The following KDM1B variants were observed in gnomAD, a reference collection of about 807,000 sequenced individuals.
The protein encoded by KDM1B is lysine demethylase 1B, also known as lysine-specific histone demethylase 2.
A neutral mutation model predicts 107.4 loss-of-function variants in KDM1B; 63 were observed. That is an observed-to-expected ratio of 0.59 (90% CI 0.48 to 0.72). The LOEUF is 0.72. KDM1B is among the 30% of genes least tolerant of loss of function. KDM1B has a pLI of 0.00. For missense variants in KDM1B, 749 were observed against 1,020.8 expected (o/e 0.73, Z 3.63); for synonymous variants, 363 against 363.9 (o/e 1.00, Z 0.03).
chr6:18,160,828 C>CT (rs3077192), intron 3 of KDM1B, among the ~76,000 whole-genome samples: 150 of 123,238 alleles, frequency 1.2e-3, no homozygotes, highest in South Asian at 2.5e-3. Context: ...ACTCATGTCA[C>CT]TTTTTTTTTT....
In KDM1B at chr6:18,203,484, A is replaced by T. The variant is rs977416568; in HGVS notation, c.1531+1827A>T. Among the ~76,000 whole-genome samples, 1 of 152,176 alleles carries T rather than the reference A, an allele frequency of 6.6e-6. No homozygotes were observed. The highest frequency in any genetic ancestry group is 1.5e-5 in the Non-Finnish European group (1 of 68,036). ...ACCAGCACAAAGCTGGGGAAACTCAAATCTAAATACTAAGGGACTAGATTT... is the reference window on the plus strand; with the variant it reads ...ACCAGCACAAAGCTGGGGAAACTCATATCTAAATACTAAGGGACTAGATTT... On this transcript the variant is annotated intron_variant, in intron 14 of 21. Coordinates refer to ENST00000650836, the MANE Select transcript of KDM1B (RefSeq NM_001364614.2). This position sits in a 1 kb window ranked among gnomAD's most constrained non-coding sequence, Gnocchi z 5.5.
In KDM1B at chr6:18,172,620, A is replaced by C. The variant is rs979639870; in HGVS notation, c.534+1141A>C. 5.3e-5 allele frequency among the ~76,000 whole-genome samples: 8 copies of C among 152,184 alleles called. No homozygotes were observed. Among genetic ancestry groups the C allele is most frequent in the Admixed American group, 5.2e-4 (8 of 15,258 alleles). On this transcript the variant is annotated intron_variant, in intron 7 of 21. Transcript: ENST00000650836. This position sits in a 1 kb window ranked among gnomAD's most constrained non-coding sequence, Gnocchi z 5.2. ...AACACTTCTGGTCCCAAGCATTTCA[A>C]ATAAGAGAAATTCAACCTGGGATTC...
intron 6 of KDM1B, among the ~76,000 whole-genome samples, chr6:18,166,771 T>C (rs1274469033): frequency 1.3e-5 from 2 of 151,892 alleles, no homozygotes; most frequent in Non-Finnish European, 2.9e-5. Flanking sequence ...GGGGAATTGC[T>C]TGAGCTCAGG....
At chr6:18,168,498 A>G (rs1000069492) in intron 6 of KDM1B, among the ~76,000 whole-genome samples, 1 of 152,180 alleles carries the variant, frequency 6.6e-6, no homozygotes, top group Non-Finnish European at 1.5e-5. Context: ...CAGTTTTTTT[A>G]AGCATTCATC....
chr6:18,172,464 A>G lies in KDM1B; in HGVS notation c.534+985A>G, dbSNP rs1191965460. ...GTCTGAAAATCTGAAATGTTCCAAAATCTGAAACTTTTTGAGCTCTGAGAT... is the reference window on the plus strand; with the variant it reads ...GTCTGAAAATCTGAAATGTTCCAAAGTCTGAAACTTTTTGAGCTCTGAGAT... On this transcript the variant is annotated intron_variant, in intron 7 of 21. Coordinates refer to ENST00000650836, the MANE Select transcript of KDM1B (RefSeq NM_001364614.2). The surrounding 1 kb of genome is among the most constrained non-coding windows in gnomAD (Gnocchi z 5.2). 1.3e-5 allele frequency among the ~76,000 whole-genome samples: 2 copies of G among 152,158 alleles called. No homozygotes were observed. Among genetic ancestry groups the G allele is most frequent in the Non-Finnish European group, 2.9e-5 (2 of 68,036 alleles).
At chr6:18,160,791 A>G (rs1183284479) in intron 3 of KDM1B, among the ~76,000 whole-genome samples, 2 of 144,944 alleles carry the variant, frequency 1.4e-5, no homozygotes, top group African/African-American at 5.1e-5. Flanking sequence ...ACAAATCTCA[A>G]TTTGGGGAAT....
intron 15 of KDM1B, among the ~76,000 whole-genome samples, chr6:18,206,001 G>T (rs1014426715): frequency 1.3e-5 from 2 of 151,318 alleles, no homozygotes; most frequent in Non-Finnish European, 2.9e-5. Context: ...TAAAATACTT[G>T]TTTTTGTGTA....
intron 21 of KDM1B, among the ~76,000 whole-genome samples, chr6:18,220,850 C>T (rs1366690731): frequency 1.3e-5 from 2 of 151,556 alleles, no homozygotes; most frequent in Admixed American, 6.6e-5. Context: ...TGGCTCACTG[C>T]AACCTCCGCC....
chr6:18,210,756 C>T (rs752230643), intron 17 of KDM1B, among the ~76,000 whole-genome samples: 1 of 151,652 alleles, frequency 6.6e-6, no homozygotes, highest in African/African-American at 2.4e-5. Context: ...CACAGCACTT[C>T]GGGAGGCTGA....
chr6:18,194,756 G>T (rs768845092), intron 10 of KDM1B, among the ~76,000 whole-genome samples: 1 of 151,728 alleles, frequency 6.6e-6, no homozygotes, highest in Middle Eastern at 3.2e-3. Flanking sequence ...TCCTGCCTCA[G>T]CCTCCCAAAG....
intron 6 of KDM1B, among the ~76,000 whole-genome samples, chr6:18,167,332 G>A (rs1785366632): frequency 6.6e-6 from 1 of 151,658 alleles, no homozygotes; most frequent in Non-Finnish European, 1.5e-5. Flanking sequence ...ACTCCAGCCT[G>A]GTGACAGAGT....
intron 17 of KDM1B, among the ~76,000 whole-genome samples, chr6:18,208,613 ATATATATATATATATTTTTTTTTT>A (rs1788566300): frequency 3.1e-5 from 1 of 31,842 alleles, no homozygotes; most frequent in Non-Finnish European, 5.8e-5. Flanking sequence ...GTATATATAT[ATATATATATATATATTTTTTTTTT>A]TTTTTTTTTT....
intron 7 of KDM1B, among the ~76,000 whole-genome samples, chr6:18,183,233 G>T (rs930300498): frequency 1.6e-4 from 24 of 147,816 alleles, no homozygotes; most frequent in Non-Finnish European, 3.0e-4. Flanking sequence ...CCTTGCAGGG[G>T]TAAACAATGT....
In KDM1B at chr6:18,162,159, A is replaced by G. The variant is rs2150767575; in HGVS notation, c.216-676A>G. 6.6e-6 allele frequency among the ~76,000 whole-genome samples: 1 copy of G among 152,096 alleles called. No individual in the cohort carries two copies. The highest frequency in any genetic ancestry group is 6.5e-5 in the Admixed American group (1 of 15,268). On this transcript the variant is annotated intron_variant, in intron 4 of 21. Transcript: ENST00000650836. The surrounding 1 kb of genome is among the most constrained non-coding windows in gnomAD (Gnocchi z 4.1). The stretch of plus-strand genomic sequence containing the variant: ...AACATGGTGAAACCCTGTCTCTACT[A>G]AAAATACACAAATTAGCTGGGCACG...
Position 18,217,816 on chromosome 6 carries a change from A to T in KDM1B, c.2316A>T (p.Thr772=), listed in dbSNP as rs779754233. The T allele has an allele frequency of 1.2e-6, 2 of 1,614,038 alleles. No homozygotes were observed. The highest frequency in any genetic ancestry group is 1.7e-6 in the Non-Finnish European group (2 of 1,179,924). The change falls in exon 21 of 22, where the codon ACA becomes ACT. Residue 772 remains threonine, a synonymous_variant. Transcript: ENST00000650836. The part of the protein sequence containing the change: ...WIQMAYSFVK[T]GGSGEAYDII... ...AGATGGCATACAGTTTTGTGAAGAC[A>T]GGTGGAAGTGGGGAGGCCTACGATA...
At chr6:18,196,363 A>G (rs1386131647) in intron 10 of KDM1B, among the ~76,000 whole-genome samples, 1 of 152,076 alleles carries the variant, frequency 6.6e-6, no homozygotes, top group East Asian at 1.9e-4. Flanking sequence ...GCTGGATCGT[A>G]TGGTAGTTTT....
At chr6:18,180,802 G>A (rs1198735080) in intron 7 of KDM1B, among the ~76,000 whole-genome samples, 1 of 152,184 alleles carries the variant, frequency 6.6e-6, no homozygotes, top group African/African-American at 2.4e-5. Context: ...CTGATCTCAG[G>A]TGATCCACCT....
At chr6:18,161,899 T>G (rs940237667) in intron 4 of KDM1B, among the ~76,000 whole-genome samples, 2 of 152,182 alleles carry the variant, frequency 1.3e-5, no homozygotes, top group African/African-American at 4.8e-5. Context: ...ACTGCAGCCT[T>G]GCCATTTTTA....
intron 3 of KDM1B, among the ~76,000 whole-genome samples, chr6:18,160,918 A>AT (rs575519228): frequency 8.4e-4 from 106 of 126,250 alleles, no homozygotes; most frequent in Middle Eastern, 4.5e-3. Context: ...TGCCTGGTTG[A>AT]TTTTTTTTTA....
Sources: allele counts gnomAD v4.1 joint callset (sites outside exome capture counted in the v4.1 genomes callset), GRCh38; gene constraint gnomAD v4.1.1; non-coding constraint Gnocchi (gnomAD v3.1); transcripts MANE v1.5; gene names NCBI Gene and HGNC (gene_info 2026-07-23, HGNC 2026-07-21).